The following AGBL1 variants were observed in gnomAD, a reference collection of about 807,000 sequenced individuals.
AGBL1 encodes cytosolic carboxypeptidase 4.
Under a neutral mutation model 118.9 loss-of-function variants are expected in AGBL1, and 130 were observed. The observed-to-expected ratio is 1.09, with a 90% CI of 0.95 to 1.26. AGBL1 has a LOEUF of 1.26. Among genes scored for constraint, AGBL1 ranks in the 50% most tolerant of loss-of-function variants. AGBL1 has a pLI of 0.00. For synonymous variants in AGBL1, 555 were observed against 478.9 expected, an observed-to-expected ratio of 1.16 and a Z score of -2.08; for missense variants, 1,584 against 1,298.1, an observed-to-expected ratio of 1.22 and a Z score of -3.38.
At chr15:86,609,735 T>C (rs546118394) in intron 21 of AGBL1, among the ~76,000 whole-genome samples, 38 of 152,286 alleles carry the variant, frequency 2.5e-4, no homozygotes, top group Admixed American at 4.6e-4. Context: ...ATGCATGCTT[T>C]CTCAAAAAGT....
downstream of AGBL1, among the ~76,000 whole-genome samples, chr15:86,918,106 TAC>T (rs2080446958): frequency 6.6e-6 from 1 of 152,202 alleles, no homozygotes; most frequent in African/African-American, 2.4e-5. Context: ...TCTAGGAAAT[TAC>T]AGATTCCATT....
chr15:86,550,994 G>C (rs1215121576), intron 20 of AGBL1, among the ~76,000 whole-genome samples: 3 of 151,948 alleles, frequency 2.0e-5, no homozygotes, highest in African/African-American at 7.2e-5. Context: ...ATGGATCAAA[G>C]AGGAAATCCA....
At chr15:86,836,573 A>G (rs978777081) in intron 22 of AGBL1, among the ~76,000 whole-genome samples, 1 of 152,152 alleles carries the variant, frequency 6.6e-6, no homozygotes, top group Admixed American at 6.5e-5. Context: ...GAGTCTAGTT[A>G]TATTATCTTC....
At chr15:86,332,663 A>G (rs2080292275) in intron 17 of AGBL1, among the ~76,000 whole-genome samples, 1 of 151,252 alleles carries the variant, frequency 6.6e-6, no homozygotes, top group African/African-American at 2.4e-5. Flanking sequence ...AAAAAAAAAA[A>G]AGAAATTCTG....
chr15:86,923,179 A>G (rs2080497356), intron 23 of AGBL1, among the ~76,000 whole-genome samples: 1 of 152,220 alleles, frequency 6.6e-6, no homozygotes, highest in African/African-American at 2.4e-5. Flanking sequence ...CTTTGAACAC[A>G]TGATAAATAG....
chr15:86,520,122 T>G (rs551900461), intron 18 of AGBL1, among the ~76,000 whole-genome samples: 1 of 151,806 alleles, frequency 6.6e-6, no homozygotes, highest in Admixed American at 6.6e-5. Context: ...TTATTCTTTA[T>G]AAGAAAAAAA....
At chr15:86,728,033 T>G (rs746566160) in intron 22 of AGBL1, among the ~76,000 whole-genome samples, 7 of 152,254 alleles carry the variant, frequency 4.6e-5, no homozygotes, top group Non-Finnish European at 1.0e-4. Context: ...AAACATTGTT[T>G]AGACCTTACT....
chr15:86,733,384 T>G (rs925318281), intron 22 of AGBL1, among the ~76,000 whole-genome samples: 1 of 152,242 alleles, frequency 6.6e-6, no homozygotes, highest in African/African-American at 2.4e-5. Context: ...GAGAGCAATC[T>G]TTTTTACTCA....
chr15:86,977,081 C>A (rs1010817757), intron 23 of AGBL1, among the ~76,000 whole-genome samples: 3 of 151,802 alleles, frequency 2.0e-5, no homozygotes, highest in African/African-American at 7.3e-5. Flanking sequence ...GTATTTTATG[C>A]TCTGTGTGTG....
chr15:86,340,323 G>A (rs2080443212), intron 17 of AGBL1, among the ~76,000 whole-genome samples: 1 of 151,516 alleles, frequency 6.6e-6, no homozygotes, highest in South Asian at 2.1e-4. Flanking sequence ...CTATTCAGAA[G>A]CTCAGAATAT....
chr15:86,361,746 G>C (rs1392449739), intron 17 of AGBL1, among the ~76,000 whole-genome samples: 1 of 151,932 alleles, frequency 6.6e-6, no homozygotes, highest in African/African-American at 2.4e-5. Flanking sequence ...TACTTTGTTT[G>C]ATATAAGTAT....
intron 23 of AGBL1, among the ~76,000 whole-genome samples, chr15:86,956,294 GATAGAT>G (rs1318856950): frequency 1.3e-4 from 19 of 151,896 alleles, no homozygotes; most frequent in Middle Eastern, 6.8e-3. Context: ...GGATGATATA[GATAGAT>G]ATAGATATAG....
intron 22 of AGBL1, among the ~76,000 whole-genome samples, chr15:86,751,678 C>A (rs2077854539): frequency 1.3e-5 from 2 of 152,094 alleles, no homozygotes; most frequent in Admixed American, 1.3e-4. Flanking sequence ...GAGCAATGTT[C>A]AATGACCATC....
intron 22 of AGBL1, among the ~76,000 whole-genome samples, chr15:86,861,259 G>A (rs1317598301): frequency 6.6e-6 from 1 of 152,130 alleles, no homozygotes; most frequent in African/African-American, 2.4e-5. Flanking sequence ...GTGCTGTGGG[G>A]AAAGCAAAAG....
Position 86,915,403 on chromosome 15 carries a change from C to T in AGBL1, c.*8109C>T, listed in dbSNP as rs190676064. On this transcript the variant is annotated 3_prime_UTR_variant, in exon 23 of 23. Coordinates refer to ENST00000614907, the MANE Select transcript of AGBL1 (RefSeq NM_001386094.1). ...GTAATTTTCTGGTCTCTTCTCTTGA[C>T]ATCAGCCCCTGTTAAAGTCATAAAA... The T allele has an allele frequency of 1.3e-5, 2 of 152,254 alleles. 1 individual carries two copies. The highest frequency in any genetic ancestry group is 4.1e-4 in the South Asian group (2 of 4,832). 9.4% of individuals were successfully genotyped at this position (152,254 alleles called of 1,614,324 possible).
At chr15:86,462,628 C>T (rs577827474) in intron 18 of AGBL1, among the ~76,000 whole-genome samples, 9 of 152,088 alleles carry the variant, frequency 5.9e-5, no homozygotes, top group African/African-American at 1.9e-4. Context: ...TGTTCCCCTC[C>T]CTGTGCCCAT....
chr15:86,471,344 C>T (rs559924761), intron 18 of AGBL1, among the ~76,000 whole-genome samples: 6 of 152,094 alleles, frequency 3.9e-5, no homozygotes, highest in Admixed American at 2.6e-4. Context: ...TGGTGTATAA[C>T]ATTTATTGAT....
At chr15:86,562,944 GTAT>G (rs1249084418) in intron 21 of AGBL1, among the ~76,000 whole-genome samples, 2 of 152,132 alleles carry the variant, frequency 1.3e-5, no homozygotes, top group African/African-American at 4.8e-5. Context: ...GTTGTTTGTA[GTAT>G]TCTCTGATGG....
chr15:86,226,101 G>A (rs2078357889), intron 6 of AGBL1, among the ~76,000 whole-genome samples: 1 of 152,256 alleles, frequency 6.6e-6, no homozygotes, highest in South Asian at 2.1e-4. Context: ...GAGGTGGTAA[G>A]AGCAGGATAG....
Sources: allele counts gnomAD v4.1 joint callset (sites outside exome capture counted in the v4.1 genomes callset), GRCh38; gene constraint gnomAD v4.1.1; transcripts MANE v1.5; gene names NCBI Gene and HGNC (gene_info 2026-07-23, HGNC 2026-07-21).